Variants in RASA2 observed in about 807,000 individuals in gnomAD.
The protein encoded by RASA2 is ras GTPase-activating protein 2.
In RASA2, 155 loss-of-function variants were observed where a neutral mutation model predicts 118.2. That is an observed-to-expected ratio of 1.31 (90% confidence interval 1.15 to 1.50). RASA2 has a LOEUF of 1.50. Among genes scored for constraint, RASA2 ranks in the 40% most tolerant of loss-of-function variants. The pLI is 0.00. For synonymous variants in RASA2, 353 were observed against 349.1 expected (o/e 1.01, Z -0.12); for missense variants, 1,016 against 1,009.6 (o/e 1.01, Z -0.09).
chr3:141,540,330 G>A (rs1398311462), intron 4 of RASA2, among the ~76,000 whole-genome samples: 1 of 152,068 alleles, frequency 6.6e-6, no homozygotes, highest in Non-Finnish European at 1.5e-5. Context: ...TGAATACCAT[G>A]TTTGACATAA....
At chr3:141,494,307 C>A (rs1365111494) in intron 1 of RASA2, among the ~76,000 whole-genome samples, 1 of 152,176 alleles carries the variant, frequency 6.6e-6, no homozygotes, top group African/African-American at 2.4e-5. Context: ...TTCTTTATAC[C>A]CACGTAGGGT....
chr3:141,610,096 A>G lies in RASA2; in HGVS notation c.2519+30A>G, dbSNP rs1170255613. 4.0e-6 allele frequency: 6 copies of G among 1,506,680 alleles called. No homozygotes were observed. In the East Asian group the frequency reaches 1.4e-4, roughly 36 times the overall value. 93.3% of individuals were successfully genotyped at this position (1,506,680 alleles called of 1,614,324 possible). On this transcript the variant is annotated intron_variant, in intron 23 of 23. Transcript: ENST00000286364. ...GTAATTTTTAAGCTATTGTAAACAT[A>G]TTTTTAAACGGAGTTTGAGATTGCC...
At chr3:141,524,210 C>G (rs1419970873) in intron 3 of RASA2, among the ~76,000 whole-genome samples, 1 of 152,176 alleles carries the variant, frequency 6.6e-6, no homozygotes, top group Non-Finnish European at 1.5e-5. Flanking sequence ...TGGTCTGATT[C>G]ATATGTCTGA....
At position 141,573,975 on chromosome 3, in the gene RASA2, TC is replaced by T; in HGVS notation, c.1392del (p.Phe464LeufsTer5). On this transcript the variant is annotated frameshift_variant, in exon 14 of 24. Coordinates refer to ENST00000286364, the MANE Select transcript of RASA2 (RefSeq NM_006506.5). LOFTEE classifies it high-confidence loss of function. ...CTGCGCTACTATGTAGACAAGTTAT[TC>T]AATACAATTGTAAAATCAAGTATGA... ...ENLRYYVDKL[F>X]NTIVKSSMSC... 2 of 1,590,376 alleles carry T rather than the reference TC, an allele frequency of 1.3e-6. No individual in the cohort carries two copies. Among genetic ancestry groups the T allele is most frequent in the African/African-American group, 1.3e-5 (1 of 74,138 alleles).
chr3:141,601,084 C>T (rs894120654), intron 19 of RASA2, among the ~76,000 whole-genome samples: 3 of 151,954 alleles, frequency 2.0e-5, no homozygotes, highest in Non-Finnish European at 4.4e-5. Flanking sequence ...CCCTGATAAA[C>T]ATGGAGGGGA....
rs185220130 is a variant in RASA2, at chr3:141,557,417, C to G, written c.685-1469C>G. 4.2e-3 allele frequency among the ~76,000 whole-genome samples: 633 copies of G among 152,228 alleles called. 1 individual carries two copies. The highest frequency in any genetic ancestry group is 7.4e-3 in the Non-Finnish European group (506 of 68,010). On this transcript the variant is annotated intron_variant, in intron 7 of 23. Coordinates refer to ENST00000286364, the MANE Select transcript of RASA2 (RefSeq NM_006506.5). ...GAAAGAGAGTATTAGAGATGACGAA[C>G]ATTTTGAGCAGAGGCACAGAGACAG...
At chr3:141,579,001 G>A (rs2083057435) in intron 15 of RASA2, among the ~76,000 whole-genome samples, 1 of 152,126 alleles carries the variant, frequency 6.6e-6, no homozygotes, top group African/African-American at 2.4e-5. Context: ...ATTTAGGTGT[G>A]TATCTACTTT....
At chr3:141,594,216 G>C (rs1458014541) in intron 19 of RASA2, among the ~76,000 whole-genome samples, 1 of 152,116 alleles carries the variant, frequency 6.6e-6, no homozygotes, top group African/African-American at 2.4e-5. Context: ...AGATCGATCA[G>C]TAGAAATGAA....
chr3:141,605,663 C>T (rs116542483), intron 19 of RASA2, among the ~76,000 whole-genome samples: 1,721 of 152,056 alleles, frequency 0.011, 13 homozygotes, highest in Non-Finnish European at 0.015. Context: ...CTCTTCCCCC[C>T]CAATTTCTTA....
intron 1 of RASA2, among the ~76,000 whole-genome samples, 193 bp from the exon 2 acceptor site, chr3:141,511,970 A>G (rs996853868): frequency 6.6e-6 from 1 of 152,040 alleles, no homozygotes; most frequent in Non-Finnish European, 1.5e-5. Context: ...ACCTCAAGCC[A>G]CTTTACACAC....
chr3:141,539,663 G>C (rs991987742), intron 4 of RASA2, among the ~76,000 whole-genome samples: 1 of 152,178 alleles, frequency 6.6e-6, no homozygotes, highest in Non-Finnish European at 1.5e-5. Context: ...TTGTCAGCTG[G>C]AGGGAGGTAA....
intron 3 of RASA2, among the ~76,000 whole-genome samples, chr3:141,520,553 G>A (rs994104995): frequency 6.6e-6 from 1 of 152,006 alleles, no homozygotes; most frequent in Non-Finnish European, 1.5e-5. Context: ...GTGTGTGTGT[G>A]TGTGTGTTAT....
At chr3:141,505,539 C>G (rs11914778) in intron 1 of RASA2, among the ~76,000 whole-genome samples, 2,002 of 152,226 alleles carry the variant, frequency 0.013, 33 homozygotes, top group African/African-American at 0.046. Context: ...ACAGTGTGTT[C>G]AAGGAACTAA....
chr3:141,553,904 A>G lies in RASA2; in HGVS notation c.575A>G (p.Asp192Gly), dbSNP rs770185403. ...CCTCTCATAAATGGCCAAAGCTGTGACCCTTATGCAACAGTTTCTCTAGTG... is the reference window on the plus strand; with the variant it reads ...CCTCTCATAAATGGCCAAAGCTGTGGCCCTTATGCAACAGTTTCTCTAGTG... The part of the protein sequence containing the change: ...GLPLINGQSC[D>G]PYATVSLVGP... Residue 192 changes from aspartate (D) to glycine (G), a missense_variant, in exon 6 of 24, where the codon GAC (aspartate) becomes GGC (glycine). Asp to Gly is a moderately conservative substitution (Grantham distance 94, BLOSUM62 -1). This residue lies in a region of RASA2 where 896 missense variants were observed against 836.4 expected (regional missense o/e 1.07). Transcript: ENST00000286364. 1 of 1,612,630 alleles carries G rather than the reference A, an allele frequency of 6.2e-7. No individual in the cohort carries two copies. Among genetic ancestry groups the G allele is most frequent in the Non-Finnish European group, 8.5e-7 (1 of 1,179,102 alleles).
intron 19 of RASA2, among the ~76,000 whole-genome samples, chr3:141,592,454 G>A (rs2083300335): frequency 6.6e-6 from 1 of 152,134 alleles, no homozygotes; most frequent in South Asian, 2.1e-4. Context: ...AGGACCTTGT[G>A]GGCTTTTACT....
chr3:141,606,385 AG>A (rs554952607), intron 19 of RASA2, among the ~76,000 whole-genome samples: 1 of 152,134 alleles, frequency 6.6e-6, no homozygotes, highest in Non-Finnish European at 1.5e-5. Flanking sequence ...GTTTTTTCCT[AG>A]CCACCCAATT....
intron 19 of RASA2, among the ~76,000 whole-genome samples, chr3:141,588,784 A>C (rs1035194936): frequency 1.3e-5 from 2 of 152,214 alleles, no homozygotes; most frequent in Non-Finnish European, 2.9e-5. Flanking sequence ...CAACATTTAC[A>C]TACTCAAATA....
chr3:141,487,483 G>C (rs903291696), intron 1 of RASA2, among the ~76,000 whole-genome samples: 1 of 151,874 alleles, frequency 6.6e-6, no homozygotes, highest in Non-Finnish European at 1.5e-5. Flanking sequence ...CTGCGCCGGC[G>C]TGAGGGGCTC....
intron 7 of RASA2, among the ~76,000 whole-genome samples, chr3:141,556,630 A>C (rs1280434516): frequency 6.6e-6 from 1 of 152,042 alleles, no homozygotes; most frequent in Non-Finnish European, 1.5e-5. Flanking sequence ...TATTATTTGC[A>C]AACTACAGAA....
Sources: allele counts gnomAD v4.1 joint callset (sites outside exome capture counted in the v4.1 genomes callset), GRCh38; gene constraint gnomAD v4.1.1; regional missense constraint gnomAD v4.1.1; transcripts MANE v1.5; gene names NCBI Gene and HGNC (gene_info 2026-07-23, HGNC 2026-07-21).